INSIG1: variants seen among roughly 807,000 people sequenced by gnomAD.
INSIG1 encodes insulin-induced gene 1 protein.
INSIG1 carries 14 observed loss-of-function variants against 26.5 expected under a neutral mutation model. The ratio of observed to expected loss-of-function variants is 0.53; its 90% confidence interval spans 0.35 to 0.83. The LOEUF is 0.83. INSIG1 is among the 40% of genes least tolerant of loss of function. The probability of loss-of-function intolerance (pLI) is 0.01; values close to 1 mark genes in which losing one functional copy is unlikely to be tolerated. For missense variants in INSIG1, 272 were observed against 368.9 expected (o/e 0.74, Z 2.15); for synonymous variants, 147 against 153.3 (o/e 0.96, Z 0.30).
At chr7:155,300,475 T>A (rs1049872987) in intron 2 of INSIG1, among the ~76,000 whole-genome samples, 2 of 152,210 alleles carry the variant, frequency 1.3e-5, no homozygotes, top group Non-Finnish European at 2.9e-5. Flanking sequence ...GTGTTTCTTG[T>A]TTCTCAGTTG....
intron 5 of INSIG1, among the ~76,000 whole-genome samples, chr7:155,303,246 T>A (rs543397252): frequency 6.6e-6 from 1 of 152,298 alleles, no homozygotes; most frequent in African/African-American, 2.4e-5. Flanking sequence ...AGTCCACCAG[T>A]GTTTCTTTTC....
Position 155,307,480 on chromosome 7 carries a change from G to A in INSIG1, c.805-761G>A, listed in dbSNP as rs181802980. On this transcript the variant is annotated intron_variant, in intron 5 of 5. Transcript: ENST00000340368. ...CTTTAGCAGAAGCTCCGTGGCCTCAGGAAGGTCATTTAATCTCTCTGGCTT... is the reference window on the plus strand; with the variant it reads ...CTTTAGCAGAAGCTCCGTGGCCTCAAGAAGGTCATTTAATCTCTCTGGCTT... Among the ~76,000 whole-genome samples the A allele has an allele frequency of 4.6e-5, 7 of 152,330 alleles. No individual in the cohort carries two copies. In the East Asian group the frequency reaches 9.6e-4, roughly 21 times the overall value.
intron 2 of INSIG1, among the ~76,000 whole-genome samples, chr7:155,300,922 C>G (rs529442886): frequency 6.6e-6 from 1 of 152,234 alleles, no homozygotes; most frequent in Non-Finnish European, 1.5e-5. Context: ...TAAGCGAAGC[C>G]TGTGTGGGGC....
intron 5 of INSIG1, among the ~76,000 whole-genome samples, chr7:155,305,766 C>A (rs1171458349): frequency 6.6e-6 from 1 of 152,200 alleles, no homozygotes; most frequent in African/African-American, 2.4e-5. Context: ...CAGTTCTCTT[C>A]AGATGCCTTT....
Position 155,298,269 on chromosome 7 carries a change from T to A in INSIG1, c.-17T>A. The A allele has an allele frequency of 6.8e-7, 1 of 1,469,296 alleles. No individual in the cohort carries two copies. Among genetic ancestry groups the A allele is most frequent in the Non-Finnish European group, 9.0e-7 (1 of 1,114,528 alleles). The allele number at this position is 1,469,296 out of a possible 1,614,324, so 91.0% of individuals were successfully genotyped here. ...ACCCCCTTCTTCCAGGAAGCGCCTC[T>A]TGGACGCGTGTGACCGATGCCCAGA... On this transcript the variant is annotated 5_prime_UTR_variant, in exon 2 of 6. The change creates a new upstream start codon in the 5' untranslated region. Coordinates refer to ENST00000340368, the MANE Select transcript of INSIG1 (RefSeq NM_005542.6).
chr7:155,310,180 C>T lies in INSIG1; in HGVS notation c.*1910C>T, dbSNP rs529830714. 8.6e-4 allele frequency: 132 copies of T among 152,688 alleles called. 1 individual carries two copies. The highest frequency in any genetic ancestry group is 2.5e-3 in the Admixed American group (38 of 15,302). The allele number at this position is 152,688 out of a possible 1,614,324, so 9.5% of individuals were successfully genotyped here. A position where few individuals can be genotyped will look rare whatever the true frequency, so the allele number is the denominator to read the frequency against. On this transcript the variant is annotated 3_prime_UTR_variant, in exon 6 of 6. Coordinates refer to ENST00000340368, the MANE Select transcript of INSIG1 (RefSeq NM_005542.6). ...GAGGTTCACATTCATACTAAGTTTT[C>T]AACATTGTGTTCTTTTTGCATTCAT...
intron 5 of INSIG1, among the ~76,000 whole-genome samples, chr7:155,304,389 T>G (rs9689982): frequency 0.13 from 20,457 of 152,288 alleles, 1,509 homozygotes; most frequent in East Asian, 0.32. Flanking sequence ...CTTTCTTGCT[T>G]TGAGATTTTT....
chr7:155,304,088 C>G (rs911003118), intron 5 of INSIG1, among the ~76,000 whole-genome samples: 1 of 151,458 alleles, frequency 6.6e-6, no homozygotes. Context: ...TTCAGCGTCC[C>G]GAGTAGCTGG....
intron 5 of INSIG1, among the ~76,000 whole-genome samples, chr7:155,307,116 C>T (rs944362359): frequency 2.0e-5 from 3 of 152,150 alleles, no homozygotes; most frequent in African/African-American, 7.2e-5. Context: ...GTTTTCTCAC[C>T]GCAGTTTGTA....
Position 155,309,243 on chromosome 7 carries a change from A to C in INSIG1, c.*973A>C, listed in dbSNP as rs1457271565. The C allele has an allele frequency of 6.6e-6, 1 of 152,646 alleles. No individual in the cohort carries two copies. Among genetic ancestry groups the C allele is most frequent in the East Asian group, 1.9e-4 (1 of 5,206 alleles). 9.5% of individuals were successfully genotyped at this position (152,646 alleles called of 1,614,324 possible). A position where few individuals can be genotyped will look rare whatever the true frequency, so the allele number is the denominator to read the frequency against. ...TTGGTGAGCACAATGTATTCATTTA[A>C]TGGCATAGACCATACCAGACCTAAT... On this transcript the variant is annotated 3_prime_UTR_variant, in exon 6 of 6. Transcript: ENST00000340368.
intron 2 of INSIG1, among the ~76,000 whole-genome samples, chr7:155,299,310 T>A (rs1032547899): frequency 1.3e-5 from 2 of 152,126 alleles, no homozygotes; most frequent in African/African-American, 4.8e-5. Context: ...GCGTTTAGAT[T>A]TTCGTACACC....
At chr7:155,300,829 G>A (rs1049924934) in intron 2 of INSIG1, among the ~76,000 whole-genome samples, 1 of 152,144 alleles carries the variant, frequency 6.6e-6, no homozygotes, top group African/African-American at 2.4e-5. Flanking sequence ...GGGCAAGCTG[G>A]GATTTGAGGC....
intron 5 of INSIG1, among the ~76,000 whole-genome samples, chr7:155,303,216 T>C (rs369280500): frequency 1.1e-4 from 17 of 152,360 alleles, no homozygotes; most frequent in African/African-American, 4.1e-4. Flanking sequence ...CATGCAGTGA[T>C]ACTTTGCTCC....
At chr7:155,307,645 C>G (rs1797971846) in intron 5 of INSIG1, among the ~76,000 whole-genome samples, 3 of 152,182 alleles carry the variant, frequency 2.0e-5, no homozygotes, top group Admixed American at 2.0e-4. Context: ...GATTTCCCAA[C>G]TGTGAAGCTC....
chr7:155,305,711 T>C (rs1797918693), intron 5 of INSIG1, among the ~76,000 whole-genome samples: 1 of 152,204 alleles, frequency 6.6e-6, no homozygotes, highest in Non-Finnish European at 1.5e-5. Context: ...TTGGTGCTGA[T>C]GGTTTTGCCC....
chr7:155,300,498 A>G (rs1427667096), intron 2 of INSIG1, among the ~76,000 whole-genome samples: 1 of 152,126 alleles, frequency 6.6e-6, no homozygotes, highest in Non-Finnish European at 1.5e-5. Flanking sequence ...CCTAAAATGT[A>G]TATTTCTTTC....
chr7:155,300,155 C>T (rs1486925285), intron 2 of INSIG1, among the ~76,000 whole-genome samples: 2 of 152,072 alleles, frequency 1.3e-5, no homozygotes, highest in African/African-American at 2.4e-5. Context: ...AGAATAGTTT[C>T]TTTCCTTTAA....
At position 155,309,248 on chromosome 7, in the gene INSIG1, A is replaced by G. The variant is rs1798021164; in HGVS notation, c.*978A>G. ...GAGCACAATGTATTCATTTAATGGC[A>G]TAGACCATACCAGACCTAATTTGCA... On this transcript the variant is annotated 3_prime_UTR_variant, in exon 6 of 6. Coordinates refer to ENST00000340368, the MANE Select transcript of INSIG1 (RefSeq NM_005542.6). 1 of 152,654 alleles carries G rather than the reference A, an allele frequency of 6.6e-6. No individual in the cohort carries two copies. The allele number at this position is 152,654 out of a possible 1,614,324, so 9.5% of individuals were successfully genotyped here. A position where few individuals can be genotyped will look rare whatever the true frequency, so the allele number is the denominator to read the frequency against.
At chr7:155,301,960 TA>T (rs1797801097) in intron 3 of INSIG1, among the ~76,000 whole-genome samples, 4 of 144,540 alleles carry the variant, frequency 2.8e-5, no homozygotes, top group Admixed American at 1.4e-4. Flanking sequence ...ATATATATAA[TA>T]AATATATATT....
Sources: allele counts gnomAD v4.1 joint callset (sites outside exome capture counted in the v4.1 genomes callset), GRCh38; gene constraint gnomAD v4.1.1; transcripts MANE v1.5; gene names NCBI Gene and HGNC (gene_info 2026-07-23, HGNC 2026-07-21).